The following CACNA1E variants were observed in gnomAD, a reference collection of about 807,000 sequenced individuals.
The protein encoded by CACNA1E is calcium voltage-gated channel subunit alpha1 E.
A neutral mutation model predicts 259.2 loss-of-function variants in CACNA1E; 40 were observed. That is an observed-to-expected ratio of 0.15 (90% CI 0.12 to 0.20). CACNA1E has a LOEUF of 0.20. Ranked by LOEUF, CACNA1E falls within the 10% of genes least tolerant of loss-of-function variation. CACNA1E has a pLI of 1.00. For synonymous variants in CACNA1E, 1,104 were observed against 1,138.5 expected (o/e 0.97, Z 0.61); for missense variants, 1,874 against 3,040.1 (o/e 0.62, Z 9.02).
chr1:181,511,427 T>C lies in CACNA1E; in HGVS notation c.429T>C (p.Ile143=). Residue 143 remains isoleucine (I), a synonymous_variant, in exon 3 of 48, where the codon ATT becomes ATC. Transcript: ENST00000367573. ...TTTGCTTTGAAGCTGGGATCAAAAT[T>C]GTGGCCCTGGGGTTCATCTTCCATA... The part of the protein sequence containing the change: ...GIFCFEAGIK[I]VALGFIFHKG... 1 of 1,613,986 alleles carries C rather than the reference T, an allele frequency of 6.2e-7. No homozygotes were observed. The highest frequency in any genetic ancestry group is 1.3e-5 in the African/African-American group (1 of 75,038).
intron 40 of CACNA1E, among the ~76,000 whole-genome samples, chr1:181,784,359 A>AT (rs751021210): frequency 6.6e-6 from 1 of 152,098 alleles, no homozygotes; most frequent in African/African-American, 2.4e-5. Context: ...GGCTATTGTT[A>AT]TTTTCTCCTC....
chr1:181,708,033 C>T lies in CACNA1E; in HGVS notation c.1056-2921C>T, dbSNP rs145488249. 2.0e-5 allele frequency among the ~76,000 whole-genome samples: 3 copies of T among 152,228 alleles called. No individual in the cohort carries two copies. The East Asian group carries it at 5.8e-4, about 29-fold the overall frequency. On this transcript the variant is annotated intron_variant, in intron 7 of 47. Transcript: ENST00000367573. ...GAGAAGAGGCAACATTTCAGCCTGG[C>T]CTTGAAGAAGGATTTTGACTCAGGC...
chr1:181,407,763 G>A (rs1657571389), intron 1 of CACNA1E, among the ~76,000 whole-genome samples: 1 of 152,216 alleles, frequency 6.6e-6, no homozygotes, highest in Admixed American at 6.5e-5. Flanking sequence ...GGGTGAGTAT[G>A]CTGAGTAGGT....
chr1:181,739,758 TGCACAAACCTA>T, intron 25 of CACNA1E, among the ~76,000 whole-genome samples: 2 of 152,344 alleles, frequency 1.3e-5, no homozygotes, highest in South Asian at 4.1e-4. Context: ...ACCATGCTTT[TGCACAAACCTA>T]ATAATATGTG....
At position 181,733,689 on chromosome 1, in the gene CACNA1E, C is replaced by A; in HGVS notation, c.3201C>A (p.Ser1067Arg). 5.0e-6 allele frequency: 8 copies of A among 1,600,066 alleles called. No homozygotes were observed. The highest frequency in any genetic ancestry group is 6.8e-6 in the Non-Finnish European group (8 of 1,173,278). The change falls in exon 21 of 48, where the codon AGC becomes AGA. Residue 1067 changes from serine (S) to arginine (R), a missense_variant. Physicochemically the swap from Ser to Arg is moderately radical, Grantham distance 110 (BLOSUM62 -1). Coordinates refer to ENST00000367573, the MANE Select transcript of CACNA1E (RefSeq NM_001205293.3). The part of the protein sequence containing the change: ...TANTDKATTE[S>R]TSVTVAIPDV... ...ACACGGACAAGGCCACCACCGAGAGCACCAGCGTCACCGTCGCCATCCCCG... is the reference window on the plus strand; with the variant it reads ...ACACGGACAAGGCCACCACCGAGAGAACCAGCGTCACCGTCGCCATCCCCG...
rs191672316 is a variant in CACNA1E at position 181,657,662 on chromosome 1, G to A, written c.1055+6221G>A. Among the ~76,000 whole-genome samples, 7 of 152,324 alleles carry A rather than the reference G, an allele frequency of 4.6e-5. No individual in the cohort carries two copies. The East Asian group carries it at 1.4e-3, about 29-fold the overall frequency. On this transcript the variant is annotated intron_variant, in intron 7 of 47. Coordinates refer to ENST00000367573, the MANE Select transcript of CACNA1E (RefSeq NM_001205293.3). ...TAAGAATATTCATCTAACATCCGTG[G>A]GGGAAGGATTGGCATGGAGAGAGAC...
At chr1:181,600,981 G>T (rs1653685133) in intron 6 of CACNA1E, among the ~76,000 whole-genome samples, 1 of 152,130 alleles carries the variant, frequency 6.6e-6, no homozygotes. Flanking sequence ...TATTACTAAG[G>T]CCCTGAGAAC....
At chr1:181,781,621 G>A in intron 39 of CACNA1E, 98 bp downstream of exon 39, 1 of 718,312 alleles carries the variant, frequency 1.4e-6, no homozygotes. Context: ...AGGCTGGGGA[G>A]GTGGAGGAGG....
At chr1:181,624,527 G>A (rs758257269) in intron 6 of CACNA1E, among the ~76,000 whole-genome samples, 66 of 152,066 alleles carry the variant, frequency 4.3e-4, no homozygotes, top group Non-Finnish European at 8.7e-4. Flanking sequence ...ATCTTTACAG[G>A]AGTAGATTTC....
At chr1:181,516,906 C>T (rs1666630626) in intron 3 of CACNA1E, among the ~76,000 whole-genome samples, 1 of 152,182 alleles carries the variant, frequency 6.6e-6, no homozygotes, top group Non-Finnish European at 1.5e-5. Context: ...CTGCGGAGCA[C>T]ATGGTGTAGA....
chr1:181,674,156 G>C (rs1227217866), intron 7 of CACNA1E, among the ~76,000 whole-genome samples: 1 of 149,880 alleles, frequency 6.7e-6, no homozygotes, highest in Non-Finnish European at 1.5e-5. Context: ...AAGGCGGGCG[G>C]ATCACGAGGT....
chr1:181,646,174 C>T (rs943178448), intron 6 of CACNA1E, among the ~76,000 whole-genome samples: 12 of 152,354 alleles, frequency 7.9e-5, no homozygotes, highest in Non-Finnish European at 1.2e-4. Flanking sequence ...TGGCCTGAGC[C>T]GAAGATCTCT....
intron 2 of CACNA1E, among the ~76,000 whole-genome samples, chr1:181,437,015 T>C (rs1660137314): frequency 6.6e-6 from 1 of 152,004 alleles, no homozygotes; most frequent in Non-Finnish European, 1.5e-5. Context: ...ATTAAAATAA[T>C]AGAAAACCCC....
At chr1:181,772,013 A>ATGAT (rs1659562422) in intron 36 of CACNA1E, 53 bp from the exon 37 acceptor site, 5 of 1,544,330 alleles carry the variant, frequency 3.2e-6, no homozygotes, top group African/African-American at 2.7e-5. Context: ...GACCAAGAAT[A>ATGAT]TGATAGGATC....
At chr1:181,324,198 G>T (rs1015974421) in intron 1 of CACNA1E, among the ~76,000 whole-genome samples, 2 of 152,196 alleles carry the variant, frequency 1.3e-5, no homozygotes, top group Non-Finnish European at 1.5e-5. Flanking sequence ...TCATACTGTT[G>T]TGGAATTTAT....
At chr1:181,550,383 T>G (rs1647996722) in intron 3 of CACNA1E, among the ~76,000 whole-genome samples, 1 of 152,118 alleles carries the variant, frequency 6.6e-6, no homozygotes, top group South Asian at 2.1e-4. Context: ...CAGGTCTGTG[T>G]GGACACCTCG....
chr1:181,777,821 T>A (rs1489935032), intron 38 of CACNA1E, among the ~76,000 whole-genome samples: 1 of 152,210 alleles, frequency 6.6e-6, no homozygotes, highest in Middle Eastern at 3.2e-3. Context: ...ACCATGGATA[T>A]CTATGGGATT....
At chr1:181,574,204 G>A (rs375072351) in intron 3 of CACNA1E, among the ~76,000 whole-genome samples, 26 of 152,204 alleles carry the variant, frequency 1.7e-4, no homozygotes, top group Admixed American at 1.3e-3. Flanking sequence ...CCTAGGTCAC[G>A]GGTTGATAGG....
At chr1:181,526,872 G>A (rs1431467301) in intron 3 of CACNA1E, among the ~76,000 whole-genome samples, 3 of 152,156 alleles carry the variant, frequency 2.0e-5, no homozygotes, top group Non-Finnish European at 4.4e-5. Flanking sequence ...TTGAAACAGT[G>A]CTCTGCACAT....
Sources: gnomAD v4.1 joint callset for allele counts (sites outside exome capture counted in the v4.1 genomes callset) on GRCh38, gnomAD v4.1.1 for gene constraint, MANE v1.5 for transcripts, NCBI Gene and HGNC (gene_info 2026-07-23, HGNC 2026-07-21) for gene names.